The following NFIL3 variants were observed in gnomAD, a reference collection of about 807,000 sequenced individuals.
NFIL3 encodes the protein nuclear factor interleukin-3-regulated protein.
A neutral mutation model predicts 10.0 loss-of-function variants in NFIL3; 5 were observed. The observed-to-expected ratio is 0.50, with a 90% CI of 0.26 to 1.06. NFIL3 has a LOEUF of 1.06. Ranked by LOEUF, NFIL3 falls within the 50% of genes least tolerant of loss-of-function variation. The pLI is 0.13. For synonymous variants in NFIL3, 202 were observed against 206.5 expected (o/e 0.98, Z 0.19); for missense variants, 436 against 547.6 (o/e 0.80, Z 2.03).
the NFIL3 span, among the ~76,000 whole-genome samples, chr9:91,464,517 T>C: frequency 6.6e-6 from 1 of 152,132 alleles, no homozygotes; most frequent in Non-Finnish European, 1.5e-5. Flanking sequence ...TACAATGTTA[T>C]TATTGTTACT....
At chr9:91,437,184 G>A in the NFIL3 span, among the ~76,000 whole-genome samples, 49 of 152,286 alleles carry the variant, frequency 3.2e-4, no homozygotes, top group African/African-American at 9.6e-4. Flanking sequence ...GATCAGTACC[G>A]GTCTGTGGCC....
intron 1 of NFIL3, among the ~76,000 whole-genome samples, chr9:91,417,495 C>T (rs1833678296): frequency 6.6e-6 from 1 of 152,130 alleles, no homozygotes. Flanking sequence ...GTAAAATTCA[C>T]AGTATCTGCG....
the NFIL3 span, among the ~76,000 whole-genome samples, chr9:91,435,228 G>A: frequency 6.6e-6 from 1 of 152,140 alleles, no homozygotes; most frequent in African/African-American, 2.4e-5. Flanking sequence ...AGAGTTGTGA[G>A]AATTGTGATA....
At chr9:91,432,366 T>C in the NFIL3 span, among the ~76,000 whole-genome samples, 1 of 152,220 alleles carries the variant, frequency 6.6e-6, no homozygotes, top group Non-Finnish European at 1.5e-5. Flanking sequence ...CTTTTCCTCC[T>C]ACTCTTGCAG....
Position 91,409,996 on chromosome 9 carries a change from A to C in NFIL3, c.739T>G (p.Tyr247Asp). Residue 247 changes from tyrosine to aspartate, a missense_variant, in exon 2 of 2, where the codon TAT becomes GAT. Transcript: ENST00000297689. ...GSYTASIYQN[Y>D]MGNSFSGYSH... ...TACCCAGAGAAAGAATTCCCCATAT[A>C]GTTTTGATAGATGGACGCTGTGTAA... The C allele has an allele frequency of 1.2e-6, 2 of 1,613,036 alleles. No homozygotes were observed. The highest frequency in any genetic ancestry group is 2.2e-5 in the South Asian group (2 of 91,060).
At position 91,409,393 on chromosome 9, in the gene NFIL3, T is replaced by C. The variant is rs1230721504; in HGVS notation, c.1342A>G (p.Lys448Glu). 2 of 1,607,626 alleles carry C rather than the reference T, an allele frequency of 1.2e-6. No homozygotes were observed. The highest frequency in any genetic ancestry group is 3.4e-5 in the Admixed American group (2 of 58,834). Reference protein sequence around the residue: ...ANLSAEVVSLKRLIATQPISA... With the variant: ...ANLSAEVVSLERLIATQPISA... ...ATTGGTTGTGTGGCTATAAGTCTCT[T>C]GAGTGAGACAACCTCTGCAGATAAG... The change falls in exon 2 of 2, where the codon AAG becomes GAG. Residue 448 changes from lysine (K) to glutamate (E), a missense_variant. This residue lies in a region of NFIL3 where 338 missense variants were observed against 399.9 expected (regional missense o/e 0.85). Coordinates refer to ENST00000297689, the MANE Select transcript of NFIL3 (RefSeq NM_005384.3).
At chr9:91,480,569 C>T in the NFIL3 span, among the ~76,000 whole-genome samples, 3 of 151,812 alleles carry the variant, frequency 2.0e-5, no homozygotes, top group African/African-American at 7.3e-5. Flanking sequence ...TAAAAAACAA[C>T]AACAACAAAG....
the NFIL3 span, among the ~76,000 whole-genome samples, chr9:91,447,535 G>C: frequency 6.6e-6 from 1 of 152,200 alleles, no homozygotes; most frequent in Non-Finnish European, 1.5e-5. Context: ...CCTAGTATCT[G>C]TGAAGTGATA....
chr9:91,409,630 T>C lies in NFIL3; in HGVS notation c.1105A>G (p.Ser369Gly). The C allele has an allele frequency of 6.2e-7, 1 of 1,614,244 alleles. No homozygotes were observed. The highest frequency in any genetic ancestry group is 2.2e-5 in the East Asian group (1 of 44,892). ...GAAGAATGTACCATACTTGGGGCAC[T>C]ATGCTTTTCGAGTTCGAAATGTCTT... The part of the protein sequence containing the change: ...SKRHFELEKH[S>G]APSMVHSSLT... Residue 369 changes from serine to glycine, a missense_variant, in exon 2 of 2, where the codon AGT (serine) becomes GGT (glycine). Ser to Gly is a moderately conservative substitution (Grantham distance 56). Coordinates refer to ENST00000297689, the MANE Select transcript of NFIL3 (RefSeq NM_005384.3).
the NFIL3 span, among the ~76,000 whole-genome samples, chr9:91,479,656 G>A: frequency 6.6e-6 from 1 of 152,166 alleles, no homozygotes; most frequent in Non-Finnish European, 1.5e-5. Context: ...GGAGTGAACA[G>A]TTCTGTCTTG....
chr9:91,455,914 C>T, the NFIL3 span, among the ~76,000 whole-genome samples: 3 of 152,164 alleles, frequency 2.0e-5, no homozygotes, highest in East Asian at 5.8e-4. Flanking sequence ...TATATCACCC[C>T]TAAAACTCTC....
At chr9:91,458,154 CT>C in the NFIL3 span, among the ~76,000 whole-genome samples, 1 of 151,788 alleles carries the variant, frequency 6.6e-6, no homozygotes, top group Non-Finnish European at 1.5e-5. Flanking sequence ...TAATGCTGTC[CT>C]TGTAGAGAGA....
the NFIL3 span, among the ~76,000 whole-genome samples, chr9:91,469,670 T>C: frequency 6.6e-6 from 1 of 152,212 alleles, no homozygotes; most frequent in Non-Finnish European, 1.5e-5. Flanking sequence ...TTTGGGTTTG[T>C]CATAAATAGC....
the NFIL3 span, among the ~76,000 whole-genome samples, chr9:91,464,709 A>C: frequency 6.6e-6 from 1 of 152,144 alleles, no homozygotes; most frequent in South Asian, 2.1e-4. Flanking sequence ...GCTGGTGATA[A>C]ATTTTCTGTT....
the NFIL3 span, among the ~76,000 whole-genome samples, chr9:91,460,271 C>CTTGTTTTTTTTTTTTTT: frequency 1.4e-5 from 1 of 70,442 alleles, no homozygotes; most frequent in African/African-American, 9.4e-5. Context: ...GGGCTTGGTT[C>CTTGTTTTTTTTTTTTTT]TTTTTTTTTT....
At chr9:91,416,790 C>A (rs1833666209) in intron 1 of NFIL3, among the ~76,000 whole-genome samples, 1 of 152,208 alleles carries the variant, frequency 6.6e-6, no homozygotes, top group African/African-American at 2.4e-5. Flanking sequence ...AATTATATTT[C>A]ATAAGCCCAG....
chr9:91,459,509 A>C, the NFIL3 span, among the ~76,000 whole-genome samples: 2 of 152,108 alleles, frequency 1.3e-5, no homozygotes, highest in Admixed American at 1.3e-4. Flanking sequence ...ACCCTGTCTC[A>C]ACAACAATAA....
chr9:91,443,879 T>G, the NFIL3 span, among the ~76,000 whole-genome samples: 1 of 152,226 alleles, frequency 6.6e-6, no homozygotes, highest in East Asian at 1.9e-4. Flanking sequence ...CATCATTTAC[T>G]TTTGACAGCT....
chr9:91,463,059 A>G, the NFIL3 span, among the ~76,000 whole-genome samples: 1 of 151,816 alleles, frequency 6.6e-6, no homozygotes, highest in African/African-American at 2.4e-5. Context: ...TAATATTGGT[A>G]ATTTATGTCT....
Sources: gnomAD v4.1 joint callset for allele counts (sites outside exome capture counted in the v4.1 genomes callset) on GRCh38, gnomAD v4.1.1 for gene constraint, gnomAD v4.1.1 regional missense constraint, MANE v1.5 for transcripts, NCBI Gene and HGNC (gene_info 2026-07-23, HGNC 2026-07-21) for gene names.